GABRR3: variants seen among roughly 807,000 people sequenced by gnomAD.
GABRR3 encodes gamma-aminobutyric acid type A receptor subunit rho3.
In GABRR3, 29 loss-of-function variants were observed where a neutral mutation model predicts 43.2. That is an observed-to-expected ratio of 0.67 (90% CI 0.50 to 0.92). GABRR3 has a LOEUF of 0.92. GABRR3 is among the 40% of genes least tolerant of loss of function. The pLI is 0.00. For missense variants in GABRR3, 576 were observed against 572.3 expected (o/e 1.01, Z -0.07); for synonymous variants, 206 against 195.9 (o/e 1.05, Z -0.43).
intron 4 of GABRR3, among the ~76,000 whole-genome samples, chr3:98,015,262 G>A (rs1355494992): frequency 6.6e-6 from 1 of 152,186 alleles, no homozygotes; most frequent in Non-Finnish European, 1.5e-5. Flanking sequence ...GTGTGATCTT[G>A]GTTCAGTATA....
At chr3:98,007,961 G>T in intron 6 of GABRR3, 57 bp from the exon 7 acceptor site, 3 of 1,402,164 alleles carry the variant, frequency 2.1e-6, no homozygotes, top group Non-Finnish European at 1.9e-6. Flanking sequence ...AGCTCAATGA[G>T]TTCTATAACC....
intron 4 of GABRR3, among the ~76,000 whole-genome samples, chr3:98,014,063 C>T (rs1706843992): frequency 6.6e-6 from 1 of 151,998 alleles, no homozygotes; most frequent in African/African-American, 2.4e-5. Context: ...GAAGCAAAAA[C>T]AAATAAACAA....
intron 3 of GABRR3, among the ~76,000 whole-genome samples, chr3:98,023,354 G>A (rs898458028): frequency 1.2e-4 from 19 of 152,108 alleles, no homozygotes; most frequent in African/African-American, 4.6e-4. Flanking sequence ...AATTCGTGTT[G>A]AAAAGAGCTT....
chr3:98,022,212 G>A (rs1706957394), intron 3 of GABRR3, among the ~76,000 whole-genome samples: 1 of 152,160 alleles, frequency 6.6e-6, no homozygotes, highest in Admixed American at 6.5e-5. Flanking sequence ...TTAGTTATGG[G>A]AGACGTAAAA....
At chr3:98,004,518 C>G (rs1033452255) in intron 7 of GABRR3, among the ~76,000 whole-genome samples, 1 of 151,904 alleles carries the variant, frequency 6.6e-6, no homozygotes, top group Non-Finnish European at 1.5e-5. Context: ...CAATGCATCC[C>G]TTAGGGGCAG....
rs1014077647 is a variant in GABRR3 at position 97,988,368 on chromosome 3, G to A, written c.1105-1386C>T. Among the ~76,000 whole-genome samples the A allele has an allele frequency of 4.6e-5, 7 of 152,194 alleles. No homozygotes were observed. The East Asian group carries it at 1.2e-3, about 25-fold the overall frequency. ...GCTGGGATTACAGGCATGAGCTACCGCACCCAGCCAAGAAAGAAAATAGCT... is the reference window on the plus strand; with the variant it reads ...GCTGGGATTACAGGCATGAGCTACCACACCCAGCCAAGAAAGAAAATAGCT... On this transcript the variant is annotated intron_variant, in intron 9 of 9. Transcript: ENST00000621172.
chr3:98,007,642 G>A, intron 7 of GABRR3, 122 bp downstream of exon 7: 1 of 1,014,612 alleles, frequency 9.9e-7, no homozygotes, highest in South Asian at 1.4e-5. Context: ...AAAAGGAGAG[G>A]AATGATGGTG....
chr3:97,986,552 C>A, downstream of GABRR3: 1 of 626,156 alleles, frequency 1.6e-6, no homozygotes, highest in Non-Finnish European at 2.6e-6. Context: ...AGACAGCTTT[C>A]AAATTTTCAT....
rs762865604 is a variant in GABRR3, at chr3:97,986,995, T to G, written c.1105-13A>C. On this transcript the variant is annotated splice_polypyrimidine_tract_variant and intron_variant, in intron 9 of 9. Transcript: ENST00000621172. ...ACATCCTAGAAATCTGTCAAAAAAC[T>G]TTTTTTTAAAGTAGGTCTTGAATAT... is the stretch of plus-strand genomic sequence containing the variant. 6.6e-7 allele frequency: 1 copy of G among 1,518,740 alleles called. No homozygotes were observed. The highest frequency in any genetic ancestry group is 8.8e-7 in the Non-Finnish European group (1 of 1,133,730). The allele number at this position is 1,518,740 out of a possible 1,614,324, so 94.1% of individuals were successfully genotyped here.
intron 8 of GABRR3, among the ~76,000 whole-genome samples, chr3:97,996,332 A>G (rs1706552975): frequency 6.6e-6 from 1 of 152,232 alleles, no homozygotes; most frequent in South Asian, 2.1e-4. Flanking sequence ...CTCTATGACC[A>G]GAAACTGACA....
At chr3:97,991,263 C>G (rs1010740711) in intron 9 of GABRR3, among the ~76,000 whole-genome samples, 1 of 152,206 alleles carries the variant, frequency 6.6e-6, no homozygotes, top group Admixed American at 6.5e-5. Context: ...CCTTTCACTT[C>G]ACAGACTATC....
chr3:98,004,683 A>G (rs573685397), intron 7 of GABRR3, among the ~76,000 whole-genome samples: 54 of 151,658 alleles, frequency 3.6e-4, no homozygotes, highest in South Asian at 6.3e-4. Flanking sequence ...GCCAAGAAAA[A>G]AAAAAAAACA....
rs760983133 is a variant in GABRR3 at position 98,001,769 on chromosome 3, T to C, written c.755-2A>G. 3 of 1,612,350 alleles carry C rather than the reference T, an allele frequency of 1.9e-6. No homozygotes were observed. The South Asian group carries it at 3.3e-5, about 18-fold the overall frequency. On this transcript the variant is annotated splice_acceptor_variant, in intron 7 of 9. Transcript: ENST00000621172. LOFTEE classifies it high-confidence loss of function. ...TGATGAAAAGCCTATTGTACCAACC[T>C]GTGGAAAAAAGCCAAAGTTTTCATT...
At chr3:98,014,843 C>T (rs1217613222) in intron 4 of GABRR3, among the ~76,000 whole-genome samples, 1 of 152,106 alleles carries the variant, frequency 6.6e-6, no homozygotes, top group Non-Finnish European at 1.5e-5. Flanking sequence ...CAACAGATCC[C>T]TGTTTGTTCA....
chr3:98,030,894 T>C (rs376253025), intron 2 of GABRR3, among the ~76,000 whole-genome samples: 108 of 152,366 alleles, frequency 7.1e-4, no homozygotes, highest in African/African-American at 2.5e-3. Flanking sequence ...TCTATTAGGC[T>C]ATATACATGG....
chr3:98,017,586 C>T (rs1706886806), intron 4 of GABRR3, 69 bp downstream of exon 4: 2 of 1,026,430 alleles, frequency 1.9e-6, no homozygotes, highest in Non-Finnish European at 3.0e-6. Context: ...TATTAAAACA[C>T]TAGTGATTTT....
At chr3:97,997,111 C>T (rs1706571679) in intron 8 of GABRR3, among the ~76,000 whole-genome samples, 1 of 152,146 alleles carries the variant, frequency 6.6e-6, no homozygotes, top group African/African-American at 2.4e-5. Context: ...TCCTGTCCCA[C>T]AGCAAAACAT....
Position 98,026,619 on chromosome 3 carries a change from C to T in GABRR3, c.126-940G>A, listed in dbSNP as rs1694884. 2.6e-3 allele frequency among the ~76,000 whole-genome samples: 40 copies of T among 15,194 alleles called. 3 individuals are homozygous for T. The highest frequency in any genetic ancestry group is 0.031 in the East Asian group (1 of 32). The allele number at this position is 15,194 out of a possible 152,430, so 10.0% of individuals were successfully genotyped here. A position where few individuals can be genotyped will look rare whatever the true frequency, so the allele number is the denominator to read the frequency against. On this transcript the variant is annotated intron_variant, in intron 2 of 9. Transcript: ENST00000621172. The stretch of plus-strand genomic sequence containing the variant: ...AGGTGGCTGTCATCATCATCATCAT[C>T]ATCATCATCATCATCATCATCATCA...
At chr3:98,017,722 C>T (rs1345095632) in exon 4 of GABRR3, 8 of 1,604,850 alleles carry the variant, frequency 5.0e-6, no homozygotes, top group Non-Finnish European at 6.0e-6. Flanking sequence ...CACTGGAGAC[C>T]CTTAAGAAAG....
Sources: gnomAD v4.1 joint callset for allele counts (sites outside exome capture counted in the v4.1 genomes callset) on GRCh38, gnomAD v4.1.1 for gene constraint, MANE v1.5 for transcripts, NCBI Gene and HGNC (gene_info 2026-07-23, HGNC 2026-07-21) for gene names.